The following CLPS variants were observed in gnomAD, a reference collection of about 807,000 sequenced individuals.
The protein encoded by CLPS is colipase.
CLPS carries 8 observed loss-of-function variants against 9.3 expected under a neutral mutation model. The observed-to-expected ratio is 0.86, with a 90% confidence interval of 0.51 to 1.56. The LOEUF is 1.56. Among genes scored for constraint, CLPS ranks in the 40% most tolerant of loss-of-function variants. The pLI is 0.00. For missense variants in CLPS, 144 were observed against 145.7 expected (o/e 0.99, Z 0.06); for synonymous variants, 61 against 56.2 (o/e 1.09, Z -0.39).
rs1404809311 is a variant in CLPS, at chr6:35,795,270, T to C, written c.215A>G (p.Tyr72Cys). The stretch of plus-strand genomic sequence containing the variant: ...ACAGGGACACTTGTAGTAAATCCCA[T>C]AGAGCGTCTGCAGAGACACAGCCAA... ...ENSECSVKTL[Y>C]GIYYKCPCER... Residue 72 changes from tyrosine to cysteine, a missense_variant, in exon 3 of 3, where the codon TAT (tyrosine) becomes TGT (cysteine). Tyr to Cys is a radical substitution (Grantham distance 194). Coordinates refer to ENST00000259938, the MANE Select transcript of CLPS (RefSeq NM_001832.4). The C allele has an allele frequency of 1.2e-6, 2 of 1,613,996 alleles. No homozygotes were observed. Among genetic ancestry groups the C allele is most frequent in the Admixed American group, 1.7e-5 (1 of 60,000 alleles).
Position 35,797,254 on chromosome 6 carries a change from AGG to A in CLPS, c.33_34del (p.Ser13CysfsTer19). The A allele has an allele frequency of 6.2e-7, 1 of 1,614,082 alleles. No individual in the cohort carries two copies. Among genetic ancestry groups the A allele is most frequent in the Non-Finnish European group, 8.5e-7 (1 of 1,179,976 alleles). ...GCCAGGAGCTGCATAGGCCACAGAG[AGG>A]GCGACAAGCAGGAGGATCAGGATCT... On this transcript the variant is annotated frameshift_variant, in exon 1 of 3. Transcript: ENST00000259938. LOFTEE classifies it high-confidence loss of function.
intron 1 of CLPS, 61 bp downstream of exon 1, chr6:35,797,143 TC>T: frequency 6.8e-7 from 1 of 1,479,624 alleles, no homozygotes; most frequent in Non-Finnish European, 9.4e-7. Flanking sequence ...GAGGTCAAGG[TC>T]CAAGCTTAGG....
rs140407801 is a variant in CLPS at position 35,796,781 on chromosome 6, A to C, written c.84+424T>G. ...AAACCCTATTTCTACTAAAAATACA[A>C]AAAATAGCTGAGCGTTATGGCAGGC... On this transcript the variant is annotated intron_variant, in intron 1 of 2. Transcript: ENST00000259938. 131 of 452,750 alleles carry C rather than the reference A, an allele frequency of 2.9e-4. No homozygotes were observed. The East Asian group carries it at 8.9e-3, about 31-fold the overall frequency. 28.0% of individuals were successfully genotyped at this position (452,750 alleles called of 1,614,324 possible).
rs1051934306 is a variant in CLPS, at chr6:35,795,212, G to A, written c.273C>T (p.Thr91=). Residue 91 remains threonine (T), a synonymous_variant, in exon 3 of 3, where the codon ACC becomes ACT. Coordinates refer to ENST00000259938, the MANE Select transcript of CLPS (RefSeq NM_001832.4). ...ERGLTCEGDK[T]IVGSITNTNF... ...TGGTGTTGGTGATGGAGCCCACGAT[G>A]GTCTTGTCTCCCTCACAGGTCAGGC... 14 of 1,614,088 alleles carry A rather than the reference G, an allele frequency of 8.7e-6. No individual in the cohort carries two copies. Among genetic ancestry groups the A allele is most frequent in the Non-Finnish European group, 1.2e-5 (14 of 1,180,030 alleles).
chr6:35,796,588 T>C (rs1458743254), intron 1 of CLPS, among the ~76,000 whole-genome samples: 3 of 152,264 alleles, frequency 2.0e-5, no homozygotes, highest in Non-Finnish European at 4.4e-5. Context: ...GCTGGAATGA[T>C]TGGCGCAAAG....
rs150822460 is a variant in CLPS, at chr6:35,796,182, A to C, written c.85-329T>G. On this transcript the variant is annotated intron_variant, in intron 1 of 2. Coordinates refer to ENST00000259938, the MANE Select transcript of CLPS (RefSeq NM_001832.4). ...GAATGTGCACACAAGGCCCCTAGAC[A>C]AGTTCTCCAAACCACTCTGGGTCCC... Among the ~76,000 whole-genome samples the C allele has an allele frequency of 9.6e-3, 1,462 of 152,210 alleles. 15 individuals are homozygous for C. Among genetic ancestry groups the C allele is most frequent in the African/African-American group, 0.034 (1,389 of 41,430 alleles).
Position 35,797,095 on chromosome 6 carries a change from A to G in CLPS, c.84+110T>C, listed in dbSNP as rs1460748641. 4 of 1,008,290 alleles carry G rather than the reference A, an allele frequency of 4.0e-6. No homozygotes were observed. The African/African-American group carries it at 6.4e-5, about 16-fold the overall frequency. 62.5% of individuals were successfully genotyped at this position (1,008,290 alleles called of 1,614,324 possible). ...AGTAAACAGAGGGATGCAAGATGCC[A>G]CTCCTCCCAGCCCCTGCCAGTCCAG... On this transcript the variant is annotated intron_variant, in intron 1 of 2. Transcript: ENST00000259938.
chr6:35,795,656 C>T (rs558925019), intron 2 of CLPS, 75 bp downstream of exon 2: 239 of 1,583,474 alleles, frequency 1.5e-4, no homozygotes, highest in Middle Eastern at 9.1e-4. Context: ...GACCCCCCTC[C>T]CTGATCCCAC....
intron 1 of CLPS, among the ~76,000 whole-genome samples, chr6:35,796,194 C>T (rs1255195906): frequency 1.3e-5 from 2 of 152,286 alleles, no homozygotes; most frequent in Non-Finnish European, 2.9e-5. Flanking sequence ...GTTCTCCAAA[C>T]CACTCTGGGT....
Position 35,795,773 on chromosome 6 carries a change from G to A in CLPS, c.165C>T (p.Arg55=). The change falls in exon 2 of 3, where the codon CGC becomes CGT. Residue 55 remains arginine, a synonymous_variant. Transcript: ENST00000259938. ...TGTTCTCGCTGGCCATGGATGTGCAGCGGGCCAGGCCCAGCGCACTTGAAT... is the reference window on the plus strand; with the variant it reads ...TGTTCTCGCTGGCCATGGATGTGCAACGGGCCAGGCCCAGCGCACTTGAAT... ...CQHSSALGLA[R]CTSMASENSE... The A allele has an allele frequency of 6.2e-7, 1 of 1,613,162 alleles. No individual in the cohort carries two copies. Among genetic ancestry groups the A allele is most frequent in the Non-Finnish European group, 8.5e-7 (1 of 1,180,030 alleles).
intron 1 of CLPS, chr6:35,796,968 C>T: frequency 1.7e-6 from 1 of 576,532 alleles, no homozygotes; most frequent in Non-Finnish European, 3.1e-6. Flanking sequence ...TCCCTCATAG[C>T]CAGGTTGAGC....
intron 1 of CLPS, 150 bp from the exon 2 acceptor site, chr6:35,796,003 G>A: frequency 1.6e-6 from 2 of 1,282,098 alleles, no homozygotes; most frequent in Non-Finnish European, 2.2e-6. Flanking sequence ...TGGCCTCTGT[G>A]CCCCCCACCC....
Position 35,795,746 on chromosome 6 carries a change from G to C in CLPS, c.192C>G (p.Ser64Arg). The C allele has an allele frequency of 6.2e-7, 1 of 1,611,972 alleles. No homozygotes were observed. Among genetic ancestry groups the C allele is most frequent in the East Asian group, 2.2e-5 (1 of 44,804 alleles). The change falls in exon 2 of 3, where the codon AGC becomes AGG. Residue 64 changes from serine (S) to arginine (R), a missense_variant. Transcript: ENST00000259938. ...AGGCACCCACCTTGACAGAGCACTC[G>C]CTGTTCTCGCTGGCCATGGATGTGC... ...ARCTSMASEN[S>R]ECSVKTLYGI...
At chr6:35,796,892 C>G (rs1768381412) in intron 1 of CLPS, 1 of 457,728 alleles carries the variant, frequency 2.2e-6, no homozygotes, top group African/African-American at 2.0e-5. Context: ...CGAGATTGTG[C>G]CACTACACTC....
At chr6:35,795,418 TG>T (rs1482745738) in intron 2 of CLPS, 141 bp from the exon 3 acceptor site, 1 of 1,312,410 alleles carries the variant, frequency 7.6e-7, no homozygotes, top group Non-Finnish European at 1.0e-6. Flanking sequence ...AGGGGTGCCG[TG>T]GGCCCTGGAG....
chr6:35,795,648 C>T (rs1768340217), intron 2 of CLPS, 83 bp downstream of exon 2: 5 of 1,571,576 alleles, frequency 3.2e-6, no homozygotes, highest in East Asian at 2.3e-5. Context: ...TCCAGGCTGA[C>T]CCCCCTCCCT....
chr6:35,795,967 TG>T, intron 1 of CLPS, 114 bp from the exon 2 acceptor site: 1 of 1,514,788 alleles, frequency 6.6e-7, no homozygotes, highest in South Asian at 1.2e-5. Context: ...GGGATGTGTG[TG>T]AAGGAGTCCA....
chr6:35,796,711 G>T (rs576967453), intron 1 of CLPS: 2 of 406,876 alleles, frequency 4.9e-6, no homozygotes, highest in South Asian at 3.6e-5. Context: ...CGAGGTGGGC[G>T]GATCACGAGG....
At position 35,794,984 on chromosome 6, in the gene CLPS, A is replaced by G. The variant is rs980985528; in HGVS notation, c.*162T>C. The G allele has an allele frequency of 2.0e-6, 2 of 1,000,842 alleles. No individual in the cohort carries two copies. Among genetic ancestry groups the G allele is most frequent in the Non-Finnish European group, 2.9e-6 (2 of 700,078 alleles). 62.0% of individuals were successfully genotyped at this position (1,000,842 alleles called of 1,614,324 possible). A position where few individuals can be genotyped will look rare whatever the true frequency, so the allele number is the denominator to read the frequency against. On this transcript the variant is annotated 3_prime_UTR_variant, in exon 3 of 3. Transcript: ENST00000259938. ...GAAAGAATATGCAGGAGACTGGGAA[A>G]GGTTTGCAGGAGGCCTTTAATTGTG...
Sources: allele counts gnomAD v4.1 joint callset (sites outside exome capture counted in the v4.1 genomes callset), GRCh38; gene constraint gnomAD v4.1.1; transcripts MANE v1.5; gene names NCBI Gene and HGNC (gene_info 2026-07-23, HGNC 2026-07-21).